DPP6: variants seen among roughly 807,000 people sequenced by gnomAD.
DPP6 encodes the protein dipeptidyl peptidase like 6, also known as A-type potassium channel modulatory protein DPP6.
A neutral mutation model predicts 122.6 loss-of-function variants in DPP6; 69 were observed. The ratio of observed to expected loss-of-function variants is 0.56; its 90% CI spans 0.46 to 0.69. The LOEUF is 0.69. Among genes scored for constraint, DPP6 ranks in the 30% least tolerant of loss-of-function variants. The pLI, the probability that DPP6 is intolerant of heterozygous loss-of-function variation, is 0.00. For missense variants in DPP6, 928 were observed against 1,116.9 expected (o/e 0.83, Z 2.41); for synonymous variants, 418 against 433.1 (o/e 0.97, Z 0.43).
At chr7:154,394,670 CA>C (rs1326442977) in intron 1 of DPP6, among the ~76,000 whole-genome samples, 1 of 152,074 alleles carries the variant, frequency 6.6e-6, no homozygotes, top group African/African-American at 2.4e-5. Context: ...ATGGACAAAC[CA>C]AATGTCATGA....
At chr7:154,717,678 C>A (rs1725794523) in intron 7 of DPP6, among the ~76,000 whole-genome samples, 1 of 152,160 alleles carries the variant, frequency 6.6e-6, no homozygotes, top group Non-Finnish European at 1.5e-5. Flanking sequence ...CCATGTCTTG[C>A]CTGTTGTGAA....
At chr7:154,087,810 C>G (rs1394129151) in intron 1 of DPP6, among the ~76,000 whole-genome samples, 1 of 152,194 alleles carries the variant, frequency 6.6e-6, no homozygotes, top group Non-Finnish European at 1.5e-5. Flanking sequence ...AAAGCTACTG[C>G]ATTTGGGGAT....
At chr7:154,434,817 G>A (rs866705138) in intron 1 of DPP6, among the ~76,000 whole-genome samples, 4 of 151,902 alleles carry the variant, frequency 2.6e-5, no homozygotes, top group South Asian at 2.1e-4. Context: ...CAAGCAGAGA[G>A]AATTTATTTT....
intron 1 of DPP6, among the ~76,000 whole-genome samples, chr7:153,977,720 C>G (rs574036273): frequency 1.6e-4 from 24 of 152,144 alleles, no homozygotes; most frequent in Middle Eastern, 6.8e-3. Context: ...CCCCCACCCC[C>G]GACAGACCCC....
At chr7:154,291,890 T>A (rs1805235898) in intron 1 of DPP6, among the ~76,000 whole-genome samples, 1 of 152,122 alleles carries the variant, frequency 6.6e-6, no homozygotes, top group Non-Finnish European at 1.5e-5. Context: ...GCATATTCCA[T>A]CTTAATACCT....
chr7:154,297,821 A>G (rs556477547), intron 1 of DPP6, among the ~76,000 whole-genome samples: 88 of 152,292 alleles, frequency 5.8e-4, no homozygotes, highest in Admixed American at 9.2e-4. Flanking sequence ...AGATAGGCAG[A>G]TGGGAAAAGG....
At chr7:153,796,892 G>A in the DPP6 span, among the ~76,000 whole-genome samples, 5,567 of 152,294 alleles carry the variant, frequency 0.037, 321 homozygotes, top group African/African-American at 0.12. Flanking sequence ...GCTTCTAGCA[G>A]AGAGAACGTG....
chr7:154,295,906 G>A (rs1026150260), intron 1 of DPP6, among the ~76,000 whole-genome samples: 7 of 149,868 alleles, frequency 4.7e-5, no homozygotes, highest in Admixed American at 1.3e-4. Flanking sequence ...ACACATAATC[G>A]ATTGCTTATT....
At position 154,877,908 on chromosome 7, in the gene DPP6, G is replaced by T. The variant is rs1006274936; in HGVS notation, c.2078+1808G>T. On this transcript the variant is annotated intron_variant, in intron 20 of 25. Coordinates refer to ENST00000377770, the MANE Select transcript of DPP6 (RefSeq NM_130797.4). The surrounding 1 kb of genome is among the most constrained non-coding windows in gnomAD (Gnocchi z 5.2). ...GTGGAAGGAGGATGGGTGGGTGGCT[G>T]CTGGGTCAGCAGCGGGCAGTGCCAG... is the stretch of plus-strand genomic sequence containing the variant. 2.6e-5 allele frequency among the ~76,000 whole-genome samples: 4 copies of T among 152,192 alleles called. No homozygotes were observed. In the South Asian group the frequency reaches 8.3e-4, roughly 31 times the overall value.
chr7:154,887,856 C>A, intron 23 of DPP6, 122 bp downstream of exon 23: 1 of 1,111,760 alleles, frequency 9.0e-7, no homozygotes, highest in African/African-American at 1.5e-5. Flanking sequence ...CCCTCACCAG[C>A]ACCAAAGCCC....
the DPP6 span, among the ~76,000 whole-genome samples, chr7:153,867,026 A>G: frequency 6.6e-6 from 1 of 152,224 alleles, no homozygotes; most frequent in Non-Finnish European, 1.5e-5. Context: ...TTTTGGTACC[A>G]GTACCACGCT....
chr7:154,400,088 A>G (rs1218872621), intron 1 of DPP6, among the ~76,000 whole-genome samples: 1 of 152,022 alleles, frequency 6.6e-6, no homozygotes, highest in Non-Finnish European at 1.5e-5. Context: ...ATACTGCTGG[A>G]AATTATTTGG....
rs1260123075 is a variant in DPP6 at position 154,575,416 on chromosome 7, ATG to A, written c.627+8509_627+8510del. ...TGTAGTGTGTGTGTGGTGTTTGTGT[ATG>A]TGTGTGTGGTGTGTATGTGTGTGGT... On this transcript the variant is annotated intron_variant, in intron 5 of 25. Coordinates refer to ENST00000377770, the MANE Select transcript of DPP6 (RefSeq NM_130797.4). Among the ~76,000 whole-genome samples, 16 of 35,882 alleles carry A rather than the reference ATG, an allele frequency of 4.5e-4. No homozygotes were observed. The East Asian group carries it at 0.016, about 35-fold the overall frequency. The allele number at this position is 35,882 out of a possible 152,430, so 23.5% of individuals were successfully genotyped here.
At chr7:153,999,794 A>G (rs916638523) in intron 1 of DPP6, among the ~76,000 whole-genome samples, 2 of 152,190 alleles carry the variant, frequency 1.3e-5, no homozygotes, top group African/African-American at 4.8e-5. Flanking sequence ...TGCTGTCTCT[A>G]TTAAAAATAT....
At chr7:154,115,617 C>A (rs556520875) in intron 1 of DPP6, among the ~76,000 whole-genome samples, 1 of 152,302 alleles carries the variant, frequency 6.6e-6, no homozygotes, top group African/African-American at 2.4e-5. Flanking sequence ...GACTGTAAAT[C>A]CTGCCATTGC....
At chr7:154,438,469 C>CAAAAAAAAAAAAAAAAAAAAAAAAAAAA in intron 1 of DPP6, among the ~76,000 whole-genome samples, 1 of 37,464 alleles carries the variant, frequency 2.7e-5, no homozygotes, top group South Asian at 2.7e-3. Flanking sequence ...GACTCCAACT[C>CAAAAAAAAAAAAAAAAAAAAAAAAAAAA]AAAAAAAAAA....
rs113886572 is a variant in DPP6, at chr7:154,778,086, G to T, written c.1136+5144G>T. Among the ~76,000 whole-genome samples the T allele has an allele frequency of 7.3e-3, 1,111 of 152,204 alleles. 14 individuals are homozygous for T. Among genetic ancestry groups the T allele is most frequent in the African/African-American group, 0.025 (1,033 of 41,512 alleles). The stretch of plus-strand genomic sequence containing the variant: ...AGGCACTTATGTCGAATGCTTAGAG[G>T]ACCTTTGTTCCTCTGTGTTTTTGTA... On this transcript the variant is annotated intron_variant, in intron 10 of 25. Transcript: ENST00000377770.
At chr7:153,904,385 A>G (rs1405098469) in intron 1 of DPP6, among the ~76,000 whole-genome samples, 1 of 151,980 alleles carries the variant, frequency 6.6e-6, no homozygotes, top group African/African-American at 2.4e-5. Context: ...CCATCTTTCA[A>G]TTTTTTACAC....
the DPP6 span, among the ~76,000 whole-genome samples, chr7:153,766,161 G>A: frequency 6.6e-6 from 1 of 152,194 alleles, no homozygotes; most frequent in Non-Finnish European, 1.5e-5. Flanking sequence ...CGGTCTTAGT[G>A]GTAGTTTGCA....
Sources: allele counts gnomAD v4.1 joint callset (sites outside exome capture counted in the v4.1 genomes callset), GRCh38; gene constraint gnomAD v4.1.1; non-coding constraint Gnocchi (gnomAD v3.1); transcripts MANE v1.5; gene names NCBI Gene and HGNC (gene_info 2026-07-23, HGNC 2026-07-21).